The following EHMT1 variants were observed in gnomAD, a reference collection of about 807,000 sequenced individuals.
EHMT1 encodes euchromatic histone lysine methyltransferase 1.
A neutral mutation model predicts 147.2 loss-of-function variants in EHMT1; 15 were observed. That is an observed-to-expected ratio of 0.10 (90% CI 0.07 to 0.16). The LOEUF is 0.16. EHMT1 is among the 10% of genes least tolerant of loss of function. EHMT1 has a pLI of 1.00. For missense variants in EHMT1, 1,587 were observed against 1,772.4 expected (o/e 0.90, Z 1.88); for synonymous variants, 795 against 709.6 (o/e 1.12, Z -1.91).
chr9:137,628,626 C>G (rs1455776674), intron 1 of EHMT1, among the ~76,000 whole-genome samples: 1 of 152,178 alleles, frequency 6.6e-6, no homozygotes, highest in Non-Finnish European at 1.5e-5. Flanking sequence ...CTTCCGTAAA[C>G]TAGAAGCACA....
intron 1 of EHMT1, among the ~76,000 whole-genome samples, chr9:137,705,858 G>A (rs1355090277): frequency 6.6e-6 from 1 of 152,220 alleles, no homozygotes; most frequent in African/African-American, 2.4e-5. Flanking sequence ...TACCTGTACT[G>A]ACCAAGAGAG....
intron 25 of EHMT1, among the ~76,000 whole-genome samples, chr9:137,829,169 C>A (rs1441317278): frequency 6.6e-6 from 1 of 152,208 alleles, no homozygotes; most frequent in South Asian, 2.1e-4. Context: ...GCAGCACTTT[C>A]TCCACACAGG....
intron 3 of EHMT1, among the ~76,000 whole-genome samples, chr9:137,718,847 C>G (rs1304457327): frequency 5.3e-5 from 8 of 151,624 alleles, no homozygotes; most frequent in Admixed American, 5.3e-4. Flanking sequence ...CCCCCGCCTC[C>G]CAGGTTTAAG....
intron 1 of EHMT1, chr9:137,666,092 T>C (rs13296028): frequency 0.18 from 27,685 of 152,330 alleles, 2,769 homozygotes; most frequent in Admixed American, 0.31. Flanking sequence ...TTCTTTTACA[T>C]TGGTGCTTCT....
At chr9:137,693,952 A>G (rs28862959) in intron 1 of EHMT1, among the ~76,000 whole-genome samples, 483 of 13,938 alleles carry the variant, frequency 0.035, 42 homozygotes, top group Admixed American at 0.07. Context: ...GATACCCCCC[A>G]CACAGTGGCG....
intron 25 of EHMT1, among the ~76,000 whole-genome samples, chr9:137,833,211 C>T (rs1588941350): frequency 6.6e-6 from 1 of 152,228 alleles, no homozygotes; most frequent in South Asian, 2.1e-4. Context: ...GACCAGGTGT[C>T]TCTGCCGGCA....
rs1952750036 is a variant in EHMT1, at chr9:137,794,452, A to C, written c.2505+3482A>C. Among the ~76,000 whole-genome samples the C allele has an allele frequency of 4.6e-5, 7 of 152,222 alleles. No individual in the cohort carries two copies. In the South Asian group the frequency reaches 1.4e-3, roughly 32 times the overall value. ...GGCCTGAGGTGAGGAGTTTGAGATC[A>C]GCCTGGACAGCATAGTGAGACCCCA... is the stretch of plus-strand genomic sequence containing the variant. On this transcript the variant is annotated intron_variant, in intron 16 of 26. Transcript: ENST00000460843.
intron 1 of EHMT1, among the ~76,000 whole-genome samples, chr9:137,683,906 T>A (rs1438325074): frequency 6.6e-6 from 1 of 151,732 alleles, no homozygotes; most frequent in Admixed American, 6.6e-5. Context: ...TTGTGATGAG[T>A]TTGATGTATA....
rs561439798 is a variant in EHMT1 at position 137,787,860 on chromosome 9, TAGG to T, written c.2383-2984_2383-2982del. 7.5e-5 allele frequency: 83 copies of T among 1,108,624 alleles called. No individual in the cohort carries two copies. The East Asian group carries it at 1.7e-3, about 23-fold the overall frequency. 68.7% of individuals were successfully genotyped at this position (1,108,624 alleles called of 1,614,324 possible). A position where few individuals can be genotyped will look rare whatever the true frequency, so the allele number is the denominator to read the frequency against. ...GCTGGTTGACGGTGGACATTGGGGA[TAGG>T]AGGTGGGTGGGGGTGCCAAGGGCAT... On this transcript the variant is annotated intron_variant, in intron 15 of 26. Coordinates refer to ENST00000460843, the MANE Select transcript of EHMT1 (RefSeq NM_024757.5). The surrounding 1 kb of genome is among the most constrained non-coding windows in gnomAD (Gnocchi z 4.2).
intron 1 of EHMT1, among the ~76,000 whole-genome samples, chr9:137,621,981 A>G (rs1246535700): frequency 4.3e-5 from 6 of 138,532 alleles, no homozygotes; most frequent in African/African-American, 1.1e-4. Flanking sequence ...TATTATTATT[A>G]TACTTTAAGT....
chr9:137,728,215 T>C, intron 3 of EHMT1, 134 bp from the exon 4 acceptor site: 1 of 1,310,230 alleles, frequency 7.6e-7, no homozygotes, highest in Non-Finnish European at 1.1e-6. Flanking sequence ...TTGCAGACTT[T>C]CTCCTCTCTC....
intron 23 of EHMT1, 132 bp downstream of exon 23, chr9:137,816,194 C>G (rs1954906374): frequency 1.2e-6 from 1 of 802,708 alleles, no homozygotes; most frequent in Non-Finnish European, 2.1e-6. Context: ...ATAGAGCCGA[C>G]AAGTTACCTG....
intron 17 of EHMT1, chr9:137,800,651 G>T: frequency 1.7e-6 from 1 of 578,134 alleles, no homozygotes; most frequent in Non-Finnish European, 3.1e-6. Context: ...CAGGGTTGTT[G>T]GGCCTGGGCC....
In EHMT1 at chr9:137,635,244, T is replaced by C. The variant is rs1484962554; in HGVS notation, c.21+16195T>C. Among the ~76,000 whole-genome samples, 12 of 151,906 alleles carry C rather than the reference T, an allele frequency of 7.9e-5. No homozygotes were observed. In the East Asian group the frequency reaches 2.4e-3, roughly 30 times the overall value. Reference sequence around the variant, plus strand: ...TATTTTGAGACAGAGTCTTGCACTGTCACCTGGGCTGGAGTGCAGTGGCGT... The same window carrying C: ...TATTTTGAGACAGAGTCTTGCACTGCCACCTGGGCTGGAGTGCAGTGGCGT... On this transcript the variant is annotated intron_variant, in intron 1 of 26. Coordinates refer to ENST00000460843, the MANE Select transcript of EHMT1 (RefSeq NM_024757.5).
At chr9:137,762,207 A>T (rs1949879748) in intron 9 of EHMT1, among the ~76,000 whole-genome samples, 1 of 151,662 alleles carries the variant, frequency 6.6e-6, no homozygotes, top group South Asian at 2.1e-4. Flanking sequence ...CTATTGTAGT[A>T]GGTGAGTGAG....
intron 1 of EHMT1, among the ~76,000 whole-genome samples, chr9:137,623,476 A>G (rs901202698): frequency 6.6e-5 from 10 of 151,130 alleles, no homozygotes; most frequent in East Asian, 2.0e-4. Flanking sequence ...GTGCAGTGGC[A>G]CTATCTCTGC....
intron 23 of EHMT1, 76 bp from the exon 24 acceptor site, chr9:137,817,363 C>G: frequency 6.5e-7 from 1 of 1,542,126 alleles, no homozygotes. Context: ...GACGTGGCAC[C>G]AGCTGGCTTT....
intron 3 of EHMT1, among the ~76,000 whole-genome samples, chr9:137,725,267 T>G (rs113648953): frequency 2.0e-5 from 3 of 149,232 alleles, no homozygotes; most frequent in Admixed American, 6.7e-5. Context: ...GGCCTTCGTG[T>G]GGCATTCGTT....
intron 16 of EHMT1, among the ~76,000 whole-genome samples, chr9:137,797,672 C>T (rs2137280626): frequency 6.6e-6 from 1 of 151,938 alleles, no homozygotes; most frequent in Admixed American, 6.6e-5. Flanking sequence ...GCTGGCTTTC[C>T]TTGAGGAAGG....
Sources: allele counts gnomAD v4.1 joint callset (sites outside exome capture counted in the v4.1 genomes callset), GRCh38; gene constraint gnomAD v4.1.1; non-coding constraint Gnocchi (gnomAD v3.1); transcripts MANE v1.5; gene names NCBI Gene and HGNC (gene_info 2026-07-23, HGNC 2026-07-21).